The following ARID2 variants were observed in gnomAD, a reference collection of about 807,000 sequenced individuals.
ARID2 encodes AT-rich interactive domain-containing protein 2.
A neutral mutation model predicts 184.6 loss-of-function variants in ARID2; 32 were observed. The ratio of observed to expected loss-of-function variants is 0.17; its 90% CI spans 0.13 to 0.23. The LOEUF (loss-of-function observed/expected upper bound fraction) is 0.23, where lower values mean the gene tolerates loss of function less well. Ranked by LOEUF, ARID2 falls within the 10% of genes least tolerant of loss-of-function variation. The pLI, the probability that ARID2 is intolerant of heterozygous loss-of-function variation, is 1.00. For missense variants in ARID2, 1,696 were observed against 2,197.6 expected, an observed-to-expected ratio of 0.77 and a Z score of 4.56; for synonymous variants, 836 against 772.6, an observed-to-expected ratio of 1.08 and a Z score of -1.36.
chr12:45,854,603 C>T (rs1450223087), intron 15 of ARID2, among the ~76,000 whole-genome samples: 6 of 152,140 alleles, frequency 3.9e-5, no homozygotes, highest in African/African-American at 1.4e-4. Context: ...TCCCACTTCA[C>T]CTTGATTATG....
intron 3 of ARID2, among the ~76,000 whole-genome samples, chr12:45,747,979 G>A (rs1941390781): frequency 6.6e-6 from 1 of 152,152 alleles, no homozygotes; most frequent in African/African-American, 2.4e-5. Flanking sequence ...AGTAAAATGA[G>A]AGTGAATTTT....
intron 3 of ARID2, among the ~76,000 whole-genome samples, chr12:45,739,615 T>C (rs969591192): frequency 6.6e-6 from 1 of 152,062 alleles, no homozygotes; most frequent in African/African-American, 2.4e-5. Context: ...GAGTTCTTAC[T>C]GTCATACTTG....
intron 3 of ARID2, among the ~76,000 whole-genome samples, chr12:45,794,451 A>G (rs1313771651): frequency 2.0e-5 from 3 of 152,220 alleles, no homozygotes; most frequent in Non-Finnish European, 4.4e-5. Context: ...TTTCTAATAA[A>G]TTTTGAAGGG....
At chr12:45,778,252 C>CA (rs558679898) in intron 3 of ARID2, among the ~76,000 whole-genome samples, 122 of 152,066 alleles carry the variant, frequency 8.0e-4, no homozygotes, top group African/African-American at 2.8e-3. Flanking sequence ...GTTCCCCCCC[C>CA]AACCCGCAAG....
At chr12:45,772,124 A>G (rs1465522402) in intron 3 of ARID2, among the ~76,000 whole-genome samples, 2 of 152,238 alleles carry the variant, frequency 1.3e-5, no homozygotes, top group African/African-American at 2.4e-5. Context: ...AGGAAAATCA[A>G]TGACAAAATG....
intron 3 of ARID2, among the ~76,000 whole-genome samples, chr12:45,754,380 CT>C (rs1011461837): frequency 6.6e-6 from 1 of 152,148 alleles, no homozygotes; most frequent in African/African-American, 2.4e-5. Flanking sequence ...GATACTATGT[CT>C]TTTTTTCTGT....
chr12:45,792,102 T>C (rs1306213304), intron 3 of ARID2, among the ~76,000 whole-genome samples: 26 of 152,180 alleles, frequency 1.7e-4, no homozygotes, highest in Non-Finnish European at 1.5e-5. Flanking sequence ...TTTTATTCCC[T>C]TCTATTTTAA....
At chr12:45,843,869 T>C (rs1170523068) in intron 11 of ARID2, among the ~76,000 whole-genome samples, 3 of 152,200 alleles carry the variant, frequency 2.0e-5, no homozygotes, top group African/African-American at 7.2e-5. Context: ...TCAGGCTCTT[T>C]TTGTTACTTA....
At chr12:45,895,032 G>A (rs1249866094) in intron 20 of ARID2, among the ~76,000 whole-genome samples, 1 of 152,100 alleles carries the variant, frequency 6.6e-6, no homozygotes, top group Non-Finnish European at 1.5e-5. Context: ...ATTCAGTTCA[G>A]ACATGAGTTT....
At chr12:45,815,997 C>G (rs1192587342) in intron 4 of ARID2, among the ~76,000 whole-genome samples, 1 of 152,068 alleles carries the variant, frequency 6.6e-6, no homozygotes, top group Non-Finnish European at 1.5e-5. Context: ...TAGTTTTTTG[C>G]CTTTTCCCTT....
intron 18 of ARID2, 29 bp downstream of exon 18, chr12:45,892,125 T>G: frequency 6.3e-7 from 1 of 1,595,038 alleles, no homozygotes; most frequent in Non-Finnish European, 8.5e-7. Context: ...CTTCCTGTTG[T>G]ACATACAAAA....
At position 45,817,652 on chromosome 12, in the gene ARID2, A is replaced by AT. The variant is rs752578353; in HGVS notation, c.419-10dup. 24 of 1,583,440 alleles carry AT rather than the reference A, an allele frequency of 1.5e-5. No homozygotes were observed. The highest frequency in any genetic ancestry group is 3.5e-5 in the Admixed American group (2 of 56,782). ...ATCTGATCTTTGATATACTTAAGGT[A>AT]TTTTTTTTCTTTGTTAGATTATCTG... On this transcript the variant is annotated splice_polypyrimidine_tract_variant and intron_variant, in intron 4 of 20. Coordinates refer to ENST00000334344, the MANE Select transcript of ARID2 (RefSeq NM_152641.4).
intron 3 of ARID2, among the ~76,000 whole-genome samples, chr12:45,746,803 G>A (rs540958109): frequency 6.6e-6 from 1 of 152,006 alleles, no homozygotes; most frequent in Non-Finnish European, 1.5e-5. Context: ...GTCTCGCTCT[G>A]TCACCCAGGC....
At chr12:45,751,338 T>A (rs1179188788) in intron 3 of ARID2, among the ~76,000 whole-genome samples, 1 of 152,206 alleles carries the variant, frequency 6.6e-6, no homozygotes, top group Admixed American at 6.5e-5. Context: ...CCATTGTGGC[T>A]AGCATTAGTG....
Position 45,730,225 on chromosome 12 carries a change from G to C in ARID2, c.186+88G>C. The C allele has an allele frequency of 3.0e-6, 4 of 1,337,366 alleles. No homozygotes were observed. The East Asian group carries it at 1.0e-4, about 35-fold the overall frequency. 82.8% of individuals were successfully genotyped at this position (1,337,366 alleles called of 1,614,324 possible). A position where few individuals can be genotyped will look rare whatever the true frequency, so the allele number is the denominator to read the frequency against. ...CCCCGGAGTGGGCGCTTGGGGCTGG[G>C]GGGGTGGCCCGCGGGGGCAAAAGGC... On this transcript the variant is annotated intron_variant, in intron 2 of 20. Coordinates refer to ENST00000334344, the MANE Select transcript of ARID2 (RefSeq NM_152641.4).
chr12:45,866,212 A>G (rs1943829750), intron 16 of ARID2, among the ~76,000 whole-genome samples: 1 of 152,132 alleles, frequency 6.6e-6, no homozygotes, highest in Non-Finnish European at 1.5e-5. Context: ...TGTATTGAAT[A>G]CCAATAATTC....
chr12:45,806,664 TTC>T (rs532520788), intron 3 of ARID2, among the ~76,000 whole-genome samples: 500 of 152,328 alleles, frequency 3.3e-3, no homozygotes, highest in African/African-American at 0.012. Context: ...CTCTCTGTTT[TTC>T]TCTCTCTTTT....
intron 3 of ARID2, among the ~76,000 whole-genome samples, chr12:45,803,865 C>T (rs1271681921): frequency 6.6e-6 from 1 of 152,132 alleles, no homozygotes; most frequent in Non-Finnish European, 1.5e-5. Flanking sequence ...TTAACCTAGA[C>T]ACACGCAGAC....
intron 15 of ARID2, among the ~76,000 whole-genome samples, chr12:45,853,594 G>T (rs147317634): frequency 1.3e-5 from 2 of 152,312 alleles, no homozygotes; most frequent in East Asian, 3.9e-4. Context: ...ATCAGGCTAT[G>T]AGGATTTTAA....
Sources: gnomAD v4.1 joint callset for allele counts (sites outside exome capture counted in the v4.1 genomes callset) on GRCh38, gnomAD v4.1.1 for gene constraint, MANE v1.5 for transcripts, NCBI Gene and HGNC (gene_info 2026-07-23, HGNC 2026-07-21) for gene names.